Variants in UNC13C observed in about 807,000 individuals in gnomAD.
The protein encoded by UNC13C is unc-13 homolog C.
UNC13C carries 174 observed loss-of-function variants against 245.4 expected under a neutral mutation model. The observed-to-expected ratio is 0.71, with a 90% confidence interval of 0.63 to 0.80. The LOEUF is 0.80. Ranked by LOEUF, UNC13C falls within the 30% of genes least tolerant of loss-of-function variation. The pLI is 0.00. For missense variants in UNC13C, 2,829 were observed against 2,602.9 expected (o/e 1.09, Z -1.89); for synonymous variants, 992 against 895.1 (o/e 1.11, Z -1.93).
intron 2 of UNC13C, among the ~76,000 whole-genome samples, chr15:54,073,079 T>C (rs1173993273): frequency 2.0e-5 from 3 of 152,070 alleles, no homozygotes; most frequent in African/African-American, 7.2e-5. Flanking sequence ...CCCCTCCCTG[T>C]GTCCATGGGT....
intron 24 of UNC13C, among the ~76,000 whole-genome samples, chr15:54,520,468 C>A (rs578260389): frequency 6.6e-6 from 1 of 152,102 alleles, no homozygotes; most frequent in Non-Finnish European, 1.5e-5. Flanking sequence ...GATTCTCAGG[C>A]ATGCTGTTAA....
At chr15:54,223,614 T>C (rs2035291070) in intron 4 of UNC13C, among the ~76,000 whole-genome samples, 1 of 152,006 alleles carries the variant, frequency 6.6e-6, no homozygotes, top group African/African-American at 2.4e-5. Flanking sequence ...TTGCTTATCC[T>C]GAGTCTTTTG....
intron 30 of UNC13C, among the ~76,000 whole-genome samples, chr15:54,571,818 T>G (rs2141223367): frequency 6.6e-6 from 1 of 152,154 alleles, no homozygotes; most frequent in East Asian, 1.9e-4. Context: ...AGGAAGTTGG[T>G]GGGTAAGAAA....
chr15:54,135,078 ACCTTTTTAAATGTGTATTAG>A (rs979693457), intron 2 of UNC13C, among the ~76,000 whole-genome samples: 2 of 152,126 alleles, frequency 1.3e-5, no homozygotes, highest in Admixed American at 1.3e-4. Flanking sequence ...GATATTGAGC[ACCTTTTTAAATGTGTATTAG>A]CCATTAATGT....
intron 13 of UNC13C, chr15:54,321,269 T>G (rs2054814234): frequency 2.1e-6 from 1 of 478,674 alleles, no homozygotes; most frequent in Non-Finnish European, 4.1e-6. Flanking sequence ...CTGCCTCAGC[T>G]ATGATTTCAA....
intron 18 of UNC13C, among the ~76,000 whole-genome samples, chr15:54,403,954 A>T (rs1387123545): frequency 6.6e-6 from 1 of 152,140 alleles, no homozygotes. Context: ...ATTCGTAAGG[A>T]TGGCTTGTAA....
At chr15:53,865,010 T>G in the UNC13C span, among the ~76,000 whole-genome samples, 1 of 152,320 alleles carries the variant, frequency 6.6e-6, no homozygotes, top group South Asian at 2.1e-4. Context: ...TTTGTTCAGC[T>G]GTGGTTTGGT....
At chr15:54,590,574 C>A (rs975866989) in intron 30 of UNC13C, among the ~76,000 whole-genome samples, 1 of 152,074 alleles carries the variant, frequency 6.6e-6, no homozygotes, top group Non-Finnish European at 1.5e-5. Context: ...GGGTTGAGTT[C>A]TTGATTTGAT....
rs116686984 is a variant in UNC13C, at chr15:54,548,972, G to A, written c.5821-663G>A. On this transcript the variant is annotated intron_variant, in intron 27 of 32. Transcript: ENST00000260323. ...AATACACACTCCGATAAAACATCTA[G>A]ATAACATTTGTTCAGAATAGCTAAT... is the stretch of plus-strand genomic sequence containing the variant. Among the ~76,000 whole-genome samples the A allele has an allele frequency of 7.9e-3, 1,197 of 152,144 alleles. 20 individuals carry two copies. The highest frequency in any genetic ancestry group is 0.027 in the African/African-American group (1,118 of 41,514).
the UNC13C span, among the ~76,000 whole-genome samples, chr15:53,891,478 C>G: frequency 6.6e-6 from 1 of 152,080 alleles, no homozygotes; most frequent in Non-Finnish European, 1.5e-5. Flanking sequence ...AAGTCTCCCA[C>G]TATCATTGTG....
At chr15:53,873,302 C>G in the UNC13C span, among the ~76,000 whole-genome samples, 3 of 152,026 alleles carry the variant, frequency 2.0e-5, no homozygotes, top group Non-Finnish European at 2.9e-5. Context: ...TGCAAAAGAT[C>G]CATTCTGAAC....
At chr15:54,454,822 A>G (rs1891386480) in intron 19 of UNC13C, among the ~76,000 whole-genome samples, 1 of 151,672 alleles carries the variant, frequency 6.6e-6, no homozygotes, top group African/African-American at 2.4e-5. Context: ...TCATTCATTC[A>G]TTCATTCATT....
intron 2 of UNC13C, among the ~76,000 whole-genome samples, chr15:54,089,781 C>T (rs956375779): frequency 6.6e-6 from 1 of 151,286 alleles, no homozygotes; most frequent in Non-Finnish European, 1.5e-5. Context: ...TTTAAAGATA[C>T]ACATGTAAAG....
chr15:54,218,117 G>A (rs982993042), intron 4 of UNC13C, among the ~76,000 whole-genome samples: 1 of 151,880 alleles, frequency 6.6e-6, no homozygotes, highest in African/African-American at 2.4e-5. Flanking sequence ...AGTTTTATAG[G>A]GGATATGACA....
intron 30 of UNC13C, among the ~76,000 whole-genome samples, chr15:54,596,764 C>G (rs1899106346): frequency 2.0e-5 from 3 of 152,114 alleles, no homozygotes; most frequent in Admixed American, 1.3e-4. Flanking sequence ...TAGTTCACAT[C>G]AGAGCTGGTT....
intron 19 of UNC13C, among the ~76,000 whole-genome samples, chr15:54,486,983 G>A (rs1365907730): frequency 6.6e-6 from 1 of 152,188 alleles, no homozygotes; most frequent in African/African-American, 2.4e-5. Context: ...AGGTCAATCA[G>A]AGAGTATATC....
At chr15:54,341,403 A>C (rs956968394) in intron 17 of UNC13C, among the ~76,000 whole-genome samples, 9 of 152,134 alleles carry the variant, frequency 5.9e-5, no homozygotes, top group Non-Finnish European at 1.5e-5. Context: ...AGAGCTTATA[A>C]AGATGGGAAC....
intron 8 of UNC13C, among the ~76,000 whole-genome samples, chr15:54,261,055 T>C (rs180817120): frequency 6.6e-6 from 1 of 152,284 alleles, no homozygotes. Context: ...TATTGTCTTA[T>C]CTGTCAAGTA....
chr15:53,917,173 A>C, the UNC13C span, among the ~76,000 whole-genome samples: 1 of 152,208 alleles, frequency 6.6e-6, no homozygotes, highest in Non-Finnish European at 1.5e-5. Context: ...CACTATCACT[A>C]TGGGTTATAA....
Sources: allele counts gnomAD v4.1 joint callset (sites outside exome capture counted in the v4.1 genomes callset), GRCh38; gene constraint gnomAD v4.1.1; transcripts MANE v1.5; gene names NCBI Gene and HGNC (gene_info 2026-07-23, HGNC 2026-07-21).